Variants in ZC3H12D observed in about 807,000 individuals in gnomAD.
The protein encoded by ZC3H12D is probable ribonuclease ZC3H12D.
ZC3H12D carries 11 observed loss-of-function variants against 24.2 expected under a neutral mutation model. The ratio of observed to expected loss-of-function variants is 0.46; its 90% CI spans 0.29 to 0.75. The LOEUF is 0.75. Ranked by LOEUF, ZC3H12D falls within the 30% of genes least tolerant of loss-of-function variation. The probability of loss-of-function intolerance (pLI) is 0.11; values close to 1 mark genes in which losing one functional copy is unlikely to be tolerated. For synonymous variants in ZC3H12D, 333 were observed against 341.8 expected, an observed-to-expected ratio of 0.97 and a Z score of 0.28; for missense variants, 740 against 767.7, an observed-to-expected ratio of 0.96 and a Z score of 0.43.
In ZC3H12D at chr6:149,456,529, TGG is replaced by T; in HGVS notation, c.680+135_680+136del. ...GACGTGCCCGCCGAGAATGCGGACC[TGG>T]GGGAGCTCTGTCTGAGGGGCTGGGT... is the stretch of plus-strand genomic sequence containing the variant. On this transcript the variant is annotated intron_variant, in intron 4 of 5. Transcript: ENST00000409806. This position sits in a 1 kb window ranked among gnomAD's most constrained non-coding sequence, Gnocchi z 4.3. 1.4e-6 allele frequency: 1 copy of T among 722,734 alleles called. No homozygotes were observed. Among genetic ancestry groups the T allele is most frequent in the Non-Finnish European group, 2.3e-6 (1 of 442,140 alleles). 44.8% of individuals were successfully genotyped at this position (722,734 alleles called of 1,614,324 possible).
intron 4 of ZC3H12D, among the ~76,000 whole-genome samples, chr6:149,455,815 T>A (rs1775969865): frequency 6.6e-6 from 1 of 151,728 alleles, no homozygotes; most frequent in South Asian, 2.1e-4. Flanking sequence ...GGCAGGAGGA[T>A]CGCTTGAGCC....
intron 5 of ZC3H12D, 69 bp from the exon 6 acceptor site, chr6:149,451,548 T>G (rs954824850): frequency 6.6e-6 from 9 of 1,373,722 alleles, no homozygotes; most frequent in Non-Finnish European, 8.7e-6. Flanking sequence ...TGGTTCCTGG[T>G]GCATCCGGGG....
rs1356666795 is a variant in ZC3H12D at position 149,451,464 on chromosome 6, T to C, written c.803A>G (p.Tyr268Cys). ...GTGGTAGAACTTGCACTTGATGCCA[T>C]AGGTGCATTTCTTGCCTGAAAGGGG... ...QHCPYGKKCT[Y>C]GIKCKFYHPE... Residue 268 changes from tyrosine (Y) to cysteine (C), a missense_variant, in exon 6 of 6, where the codon TAT becomes TGT. Tyr to Cys is a radical substitution (Grantham distance 194, BLOSUM62 -2). Coordinates refer to ENST00000409806, the MANE Select transcript of ZC3H12D (RefSeq NM_207360.3). 7.6e-6 allele frequency: 12 copies of C among 1,572,866 alleles called. No individual in the cohort carries two copies. The highest frequency in any genetic ancestry group is 1.1e-5 in the South Asian group (1 of 89,590).
Position 149,452,770 on chromosome 6 carries a change from A to G in ZC3H12D, c.681-48T>C, listed in dbSNP as rs1475473658. On this transcript the variant is annotated intron_variant, in intron 4 of 5. Transcript: ENST00000409806. The surrounding 1 kb of genome is among the most constrained non-coding windows in gnomAD (Gnocchi z 4.0). ...ACTGCAAGACCACCTGGGATTTGCC[A>G]CCAGCACCTGTACAAAGGGAGCAGG... The G allele has an allele frequency of 6.6e-7, 1 of 1,508,070 alleles. No homozygotes were observed. Among genetic ancestry groups the G allele is most frequent in the Non-Finnish European group, 9.0e-7 (1 of 1,115,198 alleles). 93.4% of individuals were successfully genotyped at this position (1,508,070 alleles called of 1,614,324 possible). A position where few individuals can be genotyped will look rare whatever the true frequency, so the allele number is the denominator to read the frequency against.
At chr6:149,476,235 A>G (rs1470814995) in intron 1 of ZC3H12D, among the ~76,000 whole-genome samples, 2 of 152,198 alleles carry the variant, frequency 1.3e-5, no homozygotes, top group Non-Finnish European at 2.9e-5. Context: ...GGCCGGGCGC[A>G]GTGGCTCATG....
chr6:149,450,943 G>C lies in ZC3H12D; in HGVS notation c.1324C>G (p.Arg442Gly). The C allele has an allele frequency of 6.5e-7, 1 of 1,537,420 alleles. No individual in the cohort carries two copies. Among genetic ancestry groups the C allele is most frequent in the Non-Finnish European group, 8.7e-7 (1 of 1,144,652 alleles). Residue 442 changes from arginine (R) to glycine (G), a missense_variant, in exon 6 of 6, where the codon CGC (arginine) becomes GGC (glycine). Physicochemically the swap from Arg to Gly is moderately radical, Grantham distance 125. Transcript: ENST00000409806. ...PPDDPWARPP[R>G]SDRFPGRSVW... The stretch of plus-strand genomic sequence containing the variant: ...GAGCGCCCAGGGAAGCGGTCGGAGC[G>C]GGGTGGACGGGCCCACGGGTCGTCG...
intron 3 of ZC3H12D, among the ~76,000 whole-genome samples, chr6:149,457,230 A>G (rs916459504): frequency 6.6e-6 from 1 of 152,224 alleles, no homozygotes; most frequent in African/African-American, 2.4e-5. Context: ...GTTCCATGCC[A>G]CAATGCCCCT....
intron 1 of ZC3H12D, among the ~76,000 whole-genome samples, chr6:149,477,218 G>A (rs1776355470): frequency 6.6e-6 from 1 of 152,274 alleles, no homozygotes; most frequent in African/African-American, 2.4e-5. Flanking sequence ...TGTCCCAGGA[G>A]TTCAGGAGCC....
At position 149,456,643 on chromosome 6, in the gene ZC3H12D, GTC is replaced by G; in HGVS notation, c.680+21_680+22del. The stretch of plus-strand genomic sequence containing the variant: ...CCCCCGCCCCGCCGCCCCCCAGGGT[GTC>G]AGGACCCCAGCCGGACCTACCGGTC... On this transcript the variant is annotated intron_variant, in intron 4 of 5. Transcript: ENST00000409806. This position sits in a 1 kb window ranked among gnomAD's most constrained non-coding sequence, Gnocchi z 4.3. The G allele has an allele frequency of 1.2e-5, 19 of 1,547,180 alleles. No individual in the cohort carries two copies. The highest frequency in any genetic ancestry group is 2.3e-5 in the East Asian group (1 of 44,236).
At chr6:149,458,124 G>GTTTTTTTTTTTTTTTTTTTT (rs1562472740) in intron 3 of ZC3H12D, among the ~76,000 whole-genome samples, 8 of 37,600 alleles carry the variant, frequency 2.1e-4, no homozygotes, top group Admixed American at 7.7e-4. Flanking sequence ...TTTTTTTTTC[G>GTTTTTTTTTTTTTTTTTTTT]TTTCTTTTTT....
At chr6:149,479,806 A>G (rs1776396796) in intron 1 of ZC3H12D, among the ~76,000 whole-genome samples, 1 of 152,202 alleles carries the variant, frequency 6.6e-6, no homozygotes, top group Admixed American at 6.5e-5. Context: ...CTAAGTAGCC[A>G]GGACCACAGG....
In ZC3H12D at chr6:149,456,903, G is replaced by T. The variant is rs762500029; in HGVS notation, c.446-3C>A. 5 of 1,594,942 alleles carry T rather than the reference G, an allele frequency of 3.1e-6. No individual in the cohort carries two copies. ...CAGCTCCGCCAGCACGTGCTGCTCTGAGGGCGGGGCGACGGAGACGCGGGT... is the reference window on the plus strand; with the variant it reads ...CAGCTCCGCCAGCACGTGCTGCTCTTAGGGCGGGGCGACGGAGACGCGGGT... On this transcript the variant is annotated splice_region_variant and splice_polypyrimidine_tract_variant and intron_variant, in intron 3 of 5. Coordinates refer to ENST00000409806, the MANE Select transcript of ZC3H12D (RefSeq NM_207360.3). This position sits in a 1 kb window ranked among gnomAD's most constrained non-coding sequence, Gnocchi z 4.3.
chr6:149,452,019 C>T lies in ZC3H12D; in HGVS notation c.788-540G>A, dbSNP rs1214370492. ...AATGGTCAAGTGTTACTATCCAAAC[C>T]CAAGGCTTCTGAGAGTGAAAGGGGG... On this transcript the variant is annotated intron_variant, in intron 5 of 5. Coordinates refer to ENST00000409806, the MANE Select transcript of ZC3H12D (RefSeq NM_207360.3). The surrounding 1 kb of genome is among the most constrained non-coding windows in gnomAD (Gnocchi z 4.0). 1 of 153,170 alleles carries T rather than the reference C, an allele frequency of 6.5e-6. No homozygotes were observed. 9.5% of individuals were successfully genotyped at this position (153,170 alleles called of 1,614,324 possible). A position where few individuals can be genotyped will look rare whatever the true frequency, so the allele number is the denominator to read the frequency against.
At chr6:149,464,300 G>A (rs1038681365) in intron 2 of ZC3H12D, among the ~76,000 whole-genome samples, 3 of 152,308 alleles carry the variant, frequency 2.0e-5, no homozygotes, top group Admixed American at 1.3e-4. Context: ...ACCTGAAGAC[G>A]TCCCTCAGAC....
chr6:149,471,503 T>C (rs1486720181), intron 2 of ZC3H12D, among the ~76,000 whole-genome samples: 1 of 152,218 alleles, frequency 6.6e-6, no homozygotes, highest in African/African-American at 2.4e-5. Context: ...AGCATAGAAT[T>C]ATCTGTAATG....
At chr6:149,481,438 G>A (rs556142727) in intron 1 of ZC3H12D, among the ~76,000 whole-genome samples, 11 of 150,746 alleles carry the variant, frequency 7.3e-5, no homozygotes, top group Admixed American at 3.3e-4. Flanking sequence ...GAAATGGTGC[G>A]ACCTCGGCTC....
At chr6:149,463,578 G>A (rs151018599) in intron 2 of ZC3H12D, among the ~76,000 whole-genome samples, 1,751 of 152,266 alleles carry the variant, frequency 0.011, 38 homozygotes, top group African/African-American at 0.04. Flanking sequence ...GCGTGGTGGC[G>A]CATGCCTATA....
chr6:149,458,056 T>C (rs1179991499), intron 3 of ZC3H12D, among the ~76,000 whole-genome samples: 1 of 151,790 alleles, frequency 6.6e-6, no homozygotes, highest in African/African-American at 2.4e-5. Flanking sequence ...TATGATTTCC[T>C]TGCTTTTATT....
Position 149,456,947 on chromosome 6 carries a change from C to T in ZC3H12D, c.446-47G>A. 1.3e-6 allele frequency: 2 copies of T among 1,555,616 alleles called. No homozygotes were observed. Among genetic ancestry groups the T allele is most frequent in the Non-Finnish European group, 1.7e-6 (2 of 1,146,884 alleles). On this transcript the variant is annotated intron_variant, in intron 3 of 5. Coordinates refer to ENST00000409806, the MANE Select transcript of ZC3H12D (RefSeq NM_207360.3). This position sits in a 1 kb window ranked among gnomAD's most constrained non-coding sequence, Gnocchi z 4.3. Reference sequence around the variant, plus strand: ...CGCGGGTGAGGGCCCAAGGGCACCGCCCCTGAGAACCACCCCCAACGCGAG... The same window carrying T: ...CGCGGGTGAGGGCCCAAGGGCACCGTCCCTGAGAACCACCCCCAACGCGAG...
Sources: gnomAD v4.1 joint callset for allele counts (sites outside exome capture counted in the v4.1 genomes callset) on GRCh38, gnomAD v4.1.1 for gene constraint, Gnocchi (gnomAD v3.1) non-coding constraint, MANE v1.5 for transcripts, NCBI Gene and HGNC (gene_info 2026-07-23, HGNC 2026-07-21) for gene names.